The following ATG10 variants were observed in gnomAD, a reference collection of about 807,000 sequenced individuals.
ATG10 encodes the protein autophagy related 10.
In ATG10, 30 loss-of-function variants were observed where a neutral mutation model predicts 32.1. The ratio of observed to expected loss-of-function variants is 0.94; its 90% confidence interval spans 0.70 to 1.27. The LOEUF (loss-of-function observed/expected upper bound fraction) is 1.27. ATG10 is among the 50% of genes most tolerant of loss of function. ATG10 has a pLI of 0.00. For synonymous variants in ATG10, 87 were observed against 91.5 expected, an observed-to-expected ratio of 0.95 and a Z score of 0.28; for missense variants, 233 against 262.3, an observed-to-expected ratio of 0.89 and a Z score of 0.77.
chr5:82,056,303 A>G (rs978195984), intron 2 of ATG10, among the ~76,000 whole-genome samples: 1 of 152,180 alleles, frequency 6.6e-6, no homozygotes, highest in Non-Finnish European at 1.5e-5. Flanking sequence ...AAAATCTGAG[A>G]TAGAACTAGT....
intron 5 of ATG10, among the ~76,000 whole-genome samples, chr5:82,228,969 C>T (rs774409252): frequency 1.1e-4 from 16 of 152,132 alleles, no homozygotes; most frequent in South Asian, 2.1e-4. Context: ...CTGAGGTTCC[C>T]GTGGCAGAAA....
intron 2 of ATG10, among the ~76,000 whole-genome samples, chr5:82,054,691 T>A (rs189217506): frequency 6.6e-6 from 1 of 152,298 alleles, no homozygotes; most frequent in East Asian, 1.9e-4. Context: ...ACTTGAAGGT[T>A]CCCTTTGTTT....
chr5:82,054,138 C>T (rs1030094692), intron 2 of ATG10, among the ~76,000 whole-genome samples: 4 of 152,148 alleles, frequency 2.6e-5, no homozygotes, highest in Admixed American at 2.6e-4. Flanking sequence ...GTGCTGGAAT[C>T]TGCTAGGTAG....
intron 3 of ATG10, among the ~76,000 whole-genome samples, chr5:82,103,790 C>G (rs1380372869): frequency 6.6e-6 from 1 of 152,080 alleles, no homozygotes; most frequent in Non-Finnish European, 1.5e-5. Context: ...ACAAAGTGAT[C>G]CCACTCGTGC....
At chr5:82,153,010 C>CTTG (rs1767666163) in intron 3 of ATG10, among the ~76,000 whole-genome samples, 1 of 152,176 alleles carries the variant, frequency 6.6e-6, no homozygotes, top group African/African-American at 2.4e-5. Flanking sequence ...ATAAGACAGG[C>CTTG]AAAAGCCCTG....
intron 2 of ATG10, among the ~76,000 whole-genome samples, chr5:82,055,434 A>G (rs1561276104): frequency 6.6e-6 from 1 of 152,194 alleles, no homozygotes; most frequent in Non-Finnish European, 1.5e-5. Flanking sequence ...AGATTTTATA[A>G]CATAGGTGCA....
rs181514853 is a variant in ATG10, at chr5:82,000,479, A to G, written c.108+12801A>G. ...AAGTCCTGGCCAGAGCAATCAGGTAAGAAAAAGAAAGAAAGAGCATCCAGA... is the reference window on the plus strand; with the variant it reads ...AAGTCCTGGCCAGAGCAATCAGGTAGGAAAAAGAAAGAAAGAGCATCCAGA... On this transcript the variant is annotated intron_variant, in intron 2 of 7. Transcript: ENST00000282185. Among the ~76,000 whole-genome samples, 52 of 152,312 alleles carry G rather than the reference A, an allele frequency of 3.4e-4. 1 individual carries two copies. Among genetic ancestry groups the G allele is most frequent in the African/African-American group, 1.2e-3 (49 of 41,574 alleles).
chr5:82,031,154 T>G (rs990539542), intron 2 of ATG10, among the ~76,000 whole-genome samples: 2 of 152,188 alleles, frequency 1.3e-5, no homozygotes, highest in Non-Finnish European at 2.9e-5. Flanking sequence ...TCATTTAGAA[T>G]GCTTTCAGAG....
intron 4 of ATG10, among the ~76,000 whole-genome samples, chr5:82,169,121 T>C (rs1427435234): frequency 2.0e-5 from 3 of 152,044 alleles, no homozygotes; most frequent in African/African-American, 7.2e-5. Flanking sequence ...TAACTTAGGA[T>C]GACTTACGGA....
chr5:82,124,768 T>C (rs1766192259), intron 3 of ATG10, among the ~76,000 whole-genome samples: 1 of 152,136 alleles, frequency 6.6e-6, no homozygotes, highest in Non-Finnish European at 1.5e-5. Flanking sequence ...AGTGTGTCTT[T>C]ATAGTAGCAT....
intron 3 of ATG10, among the ~76,000 whole-genome samples, chr5:82,078,005 G>C (rs545017143): frequency 6.6e-6 from 1 of 152,212 alleles, no homozygotes. Flanking sequence ...GGTTTTTAAC[G>C]ATGGAAAAAT....
chr5:82,139,244 AG>A (rs1161267371), intron 3 of ATG10, among the ~76,000 whole-genome samples: 1 of 146,736 alleles, frequency 6.8e-6, no homozygotes, highest in African/African-American at 2.6e-5. Flanking sequence ...CCGAGATTGC[AG>A]CCTCTGCCGG....
chr5:82,142,676 G>A lies in ATG10; in HGVS notation c.217-21723G>A, dbSNP rs578257725. On this transcript the variant is annotated intron_variant, in intron 3 of 7. Transcript: ENST00000282185. ...ACTGTGGCGGCAGTGTGGAGGGTGC[G>A]TGGGAGGTGGTTGAAATGTGAATTA... is the stretch of plus-strand genomic sequence containing the variant. 9.9e-5 allele frequency among the ~76,000 whole-genome samples: 15 copies of A among 152,270 alleles called. No homozygotes were observed. The East Asian group carries it at 1.7e-3, about 18-fold the overall frequency.
At chr5:82,013,477 T>C (rs1428562756) in intron 2 of ATG10, among the ~76,000 whole-genome samples, 1 of 152,228 alleles carries the variant, frequency 6.6e-6, no homozygotes, top group Non-Finnish European at 1.5e-5. Flanking sequence ...TTTGAGGGTG[T>C]GTGCGAGTAT....
chr5:82,089,035 C>T (rs2149790947), intron 3 of ATG10, among the ~76,000 whole-genome samples: 1 of 152,250 alleles, frequency 6.6e-6, no homozygotes, highest in African/African-American at 2.4e-5. Flanking sequence ...CCAAGACTTA[C>T]TATATAGCTA....
rs1418509112 is a variant in ATG10 at position 82,176,091 on chromosome 5, T to C, written c.356-2399T>C. On this transcript the variant is annotated intron_variant, in intron 4 of 7. Coordinates refer to ENST00000282185, the MANE Select transcript of ATG10 (RefSeq NM_031482.5). ...ACTTACATTGTTGCCTGAAATACTT[T>C]AAGGAATAAAATTAAAATCATTACT... Among the ~76,000 whole-genome samples, 4 of 152,292 alleles carry C rather than the reference T, an allele frequency of 2.6e-5. No homozygotes were observed. In the East Asian group the frequency reaches 7.7e-4, roughly 29 times the overall value.
chr5:82,164,718 G>A (rs1051739331), intron 4 of ATG10, among the ~76,000 whole-genome samples, 181 bp downstream of exon 4: 4 of 152,182 alleles, frequency 2.6e-5, no homozygotes, highest in African/African-American at 4.8e-5. Flanking sequence ...AGACTTCAGC[G>A]TGAATGATAT....
chr5:82,085,581 A>G (rs1279577004), intron 3 of ATG10, among the ~76,000 whole-genome samples: 1 of 152,064 alleles, frequency 6.6e-6, no homozygotes, highest in Non-Finnish European at 1.5e-5. Context: ...TGGCACGTGT[A>G]TACATATGTA....
chr5:82,050,922 G>T (rs1281234442), intron 2 of ATG10, among the ~76,000 whole-genome samples: 1 of 150,962 alleles, frequency 6.6e-6, no homozygotes, highest in Non-Finnish European at 1.5e-5. Context: ...GAGGCAGGAG[G>T]ATGGCCTGGG....
Sources: allele counts gnomAD v4.1 joint callset (sites outside exome capture counted in the v4.1 genomes callset), GRCh38; gene constraint gnomAD v4.1.1; transcripts MANE v1.5; gene names NCBI Gene and HGNC (gene_info 2026-07-23, HGNC 2026-07-21).